The following FGD4 variants were observed in gnomAD, a reference collection of about 807,000 sequenced individuals.
FGD4 encodes FYVE, RhoGEF and PH domain-containing protein 4.
FGD4 carries 42 observed loss-of-function variants against 102.0 expected under a neutral mutation model. The ratio of observed to expected loss-of-function variants is 0.41; its 90% CI spans 0.32 to 0.53. The LOEUF (loss-of-function observed/expected upper bound fraction) is 0.53, where lower values mean the gene tolerates loss of function less well. FGD4 is among the 20% of genes least tolerant of loss of function. The pLI is 0.21. For synonymous variants in FGD4, 380 were observed against 375.7 expected (o/e 1.01, Z -0.13); for missense variants, 902 against 1,078.2 (o/e 0.84, Z 2.29).
chr12:32,639,558 A>G (rs1326256853), intron 16 of FGD4, among the ~76,000 whole-genome samples: 1 of 152,210 alleles, frequency 6.6e-6, no homozygotes, highest in African/African-American at 2.4e-5. Flanking sequence ...TCAGTCTTGC[A>G]TTATCATTCA....
At chr12:32,540,248 T>C (rs1478623312) in intron 1 of FGD4, among the ~76,000 whole-genome samples, 1 of 152,168 alleles carries the variant, frequency 6.6e-6, no homozygotes, top group Non-Finnish European at 1.5e-5. Flanking sequence ...CTATGAGAAA[T>C]GTCATAGGAG....
At chr12:32,490,629 C>T (rs1944055952) in intron 1 of FGD4, among the ~76,000 whole-genome samples, 1 of 152,072 alleles carries the variant, frequency 6.6e-6, no homozygotes, top group Admixed American at 6.5e-5. Flanking sequence ...GAACTCCTGA[C>T]CTTGTGATCC....
At chr12:32,438,290 T>C (rs1197567213) in intron 1 of FGD4, among the ~76,000 whole-genome samples, 1 of 152,234 alleles carries the variant, frequency 6.6e-6, no homozygotes, top group East Asian at 1.9e-4. Context: ...CTAACAATAC[T>C]GCACTTCCAT....
chr12:32,536,784 GTCTT>G (rs969366612), intron 1 of FGD4, among the ~76,000 whole-genome samples: 2 of 152,142 alleles, frequency 1.3e-5, no homozygotes, highest in African/African-American at 2.4e-5. Flanking sequence ...GGGAAAATGA[GTCTT>G]TCACCCTCTT....
intron 1 of FGD4, among the ~76,000 whole-genome samples, chr12:32,419,557 G>C (rs1299785262): frequency 6.6e-6 from 1 of 151,670 alleles, no homozygotes; most frequent in East Asian, 2.0e-4. Flanking sequence ...CACTCCCTTA[G>C]TCACCCTGGC....
chr12:32,454,027 C>G (rs1160403158), intron 1 of FGD4, among the ~76,000 whole-genome samples: 1 of 151,586 alleles, frequency 6.6e-6, no homozygotes, highest in Non-Finnish European at 1.5e-5. Context: ...GAGTGTTTAG[C>G]TGTTAATAAA....
At chr12:32,496,428 G>T (rs1233979355) in intron 1 of FGD4, among the ~76,000 whole-genome samples, 2 of 151,984 alleles carry the variant, frequency 1.3e-5, no homozygotes, top group Non-Finnish European at 2.9e-5. Context: ...TATCTTGTTA[G>T]CTCCTCTCCC....
Position 32,633,747 on chromosome 12 carries a change from G to A in FGD4, c.2313+58G>A, listed in dbSNP as rs369081127. 2.7e-5 allele frequency: 39 copies of A among 1,469,252 alleles called. No individual in the cohort carries two copies. The South Asian group carries it at 2.9e-4, about 11-fold the overall frequency. 91.0% of individuals were successfully genotyped at this position (1,469,252 alleles called of 1,614,324 possible). A position where few individuals can be genotyped will look rare whatever the true frequency, so the allele number is the denominator to read the frequency against. On this transcript the variant is annotated intron_variant, in intron 15 of 16. Transcript: ENST00000534526. Reference sequence around the variant, plus strand: ...ATTATTTTTTTCCCAACGGACTCTCGCTCTGTCACCCAGGCTGAGGTGCAG... The same window carrying A: ...ATTATTTTTTTCCCAACGGACTCTCACTCTGTCACCCAGGCTGAGGTGCAG...
chr12:32,639,217 G>A (rs771137101), intron 16 of FGD4, among the ~76,000 whole-genome samples: 6 of 152,158 alleles, frequency 3.9e-5, no homozygotes, highest in Admixed American at 2.6e-4. Flanking sequence ...AGGCTATAGT[G>A]CAATGGTGCA....
At chr12:32,620,520 C>CTTTCTTTCTTTCTTTTTTT (rs1949747434) in intron 11 of FGD4, among the ~76,000 whole-genome samples, 3 of 91,132 alleles carry the variant, frequency 3.3e-5, no homozygotes, top group African/African-American at 9.3e-5. Flanking sequence ...TTTTTTCTTT[C>CTTTCTTTCTTTCTTTTTTT]TTTTTTTTTT....
Position 32,622,966 on chromosome 12 carries a change from C to T in FGD4, c.1923-1456C>T, listed in dbSNP as rs140025632. Among the ~76,000 whole-genome samples, 950 of 152,042 alleles carry T rather than the reference C, an allele frequency of 6.2e-3. 8 individuals are homozygous for T. The highest frequency in any genetic ancestry group is 0.02 in the African/African-American group (833 of 41,502). On this transcript the variant is annotated intron_variant, in intron 11 of 16. Transcript: ENST00000534526. ...GAGTGCCATAGGAATTATGTGGAATCAAAAAGTGGGTATATATTTGGAGAT... is the reference window on the plus strand; with the variant it reads ...GAGTGCCATAGGAATTATGTGGAATTAAAAAGTGGGTATATATTTGGAGAT...
chr12:32,430,565 A>G (rs1355339401), intron 1 of FGD4, among the ~76,000 whole-genome samples: 1 of 152,174 alleles, frequency 6.6e-6, no homozygotes, highest in African/African-American at 2.4e-5. Context: ...AAACAGGTAA[A>G]ACTTCATTCC....
intron 10 of FGD4, 99 bp from the exon 11 acceptor site, chr12:32,619,599 T>C: frequency 3.0e-5 from 41 of 1,366,542 alleles, no homozygotes; most frequent in Non-Finnish European, 4.3e-5. Context: ...ACTATTACAC[T>C]CCAGCCTGGG....
At chr12:32,634,945 G>GCA (rs1950710540) in intron 15 of FGD4, among the ~76,000 whole-genome samples, 3 of 151,892 alleles carry the variant, frequency 2.0e-5, no homozygotes. Flanking sequence ...CCAAGATTGC[G>GCA]CCACTGCACT....
chr12:32,496,251 G>A lies in FGD4; in HGVS notation c.167-67886G>A, dbSNP rs7976456. On this transcript the variant is annotated intron_variant, in intron 1 of 16. Transcript: ENST00000534526. ...TTGAGCAGCAAGGATTAACCATTCAGCATCGGGTTTTATCAGCACAAAACT... is the reference window on the plus strand; with the variant it reads ...TTGAGCAGCAAGGATTAACCATTCAACATCGGGTTTTATCAGCACAAAACT... Among the ~76,000 whole-genome samples the A allele has an allele frequency of 5.6e-3, 846 of 152,272 alleles. 14 individuals carry two copies. Among genetic ancestry groups the A allele is most frequent in the African/African-American group, 0.019 (805 of 41,560 alleles).
chr12:32,415,955 G>A (rs1435554911), intron 1 of FGD4, among the ~76,000 whole-genome samples: 1 of 152,022 alleles, frequency 6.6e-6, no homozygotes, highest in Non-Finnish European at 1.5e-5. Context: ...TATAAATGAA[G>A]TGTGTTTCTT....
chr12:32,540,619 G>T lies in FGD4; in HGVS notation c.167-23518G>T, dbSNP rs114202720. 3.9e-3 allele frequency among the ~76,000 whole-genome samples: 578 copies of T among 149,112 alleles called. 7 individuals are homozygous for T. Among genetic ancestry groups the T allele is most frequent in the African/African-American group, 0.014 (550 of 40,140 alleles). On this transcript the variant is annotated intron_variant, in intron 1 of 16. Transcript: ENST00000534526. The stretch of plus-strand genomic sequence containing the variant: ...TCACTCTTGTCGCTCAAGCTGGAGT[G>T]TGATGGTGTGATCTCAGCTCACCGC...
intron 7 of FGD4, among the ~76,000 whole-genome samples, chr12:32,602,773 C>A (rs1335480575): frequency 1.3e-5 from 2 of 152,130 alleles, no homozygotes; most frequent in Non-Finnish European, 2.9e-5. Flanking sequence ...ATAATAATTT[C>A]CACTTGATTC....
intron 1 of FGD4, among the ~76,000 whole-genome samples, chr12:32,541,468 C>T (rs1176232724): frequency 2.6e-5 from 4 of 152,136 alleles, no homozygotes; most frequent in African/African-American, 4.8e-5. Context: ...CGGGTTCAAG[C>T]GGTTCTCCTT....
Sources: gnomAD v4.1 joint callset for allele counts (sites outside exome capture counted in the v4.1 genomes callset) on GRCh38, gnomAD v4.1.1 for gene constraint, MANE v1.5 for transcripts, NCBI Gene and HGNC (gene_info 2026-07-23, HGNC 2026-07-21) for gene names.